CCDC18: variants seen among roughly 807,000 people sequenced by gnomAD.
CCDC18 encodes coiled-coil domain containing 18.
A neutral mutation model predicts 196.0 loss-of-function variants in CCDC18; 157 were observed. The ratio of observed to expected loss-of-function variants is 0.80; its 90% CI spans 0.70 to 0.91. The LOEUF (loss-of-function observed/expected upper bound fraction) is 0.91, where lower values mean the gene tolerates loss of function less well. CCDC18 is among the 40% of genes least tolerant of loss of function. The pLI is 0.00. For missense variants in CCDC18, 1,465 were observed against 1,611.6 expected, an observed-to-expected ratio of 0.91 and a Z score of 1.56; for synonymous variants, 482 against 529.2, an observed-to-expected ratio of 0.91 and a Z score of 1.22.
intron 27 of CCDC18, among the ~76,000 whole-genome samples, chr1:93,266,541 C>A (rs566880708): frequency 1.3e-5 from 2 of 151,816 alleles, no homozygotes; most frequent in African/African-American, 4.8e-5. Context: ...ATTGATAGAC[C>A]GCTAGCAAGA....
chr1:93,226,296 G>GTT, intron 16 of CCDC18, 37 bp from the exon 17 acceptor site: 1 of 770,748 alleles, frequency 1.3e-6, no homozygotes, highest in Admixed American at 2.5e-5. Flanking sequence ...ATATCGTTTT[G>GTT]TGTTTTTTTT....
chr1:93,255,739 CGAAGAAGAG>C (rs554040323), intron 24 of CCDC18, among the ~76,000 whole-genome samples: 95 of 114,866 alleles, frequency 8.3e-4, no homozygotes, highest in Admixed American at 3.1e-3. Flanking sequence ...CTGTACCAAA[CGAAGAAGAG>C]GAAGAAGAGG....
At chr1:93,185,271 A>G (rs936351906) in intron 3 of CCDC18, among the ~76,000 whole-genome samples, 1 of 151,872 alleles carries the variant, frequency 6.6e-6, no homozygotes, top group African/African-American at 2.4e-5. Flanking sequence ...GCCTAGTGGG[A>G]ATGCACAGTG....
chr1:93,241,866 G>C (rs1181565734), intron 21 of CCDC18, among the ~76,000 whole-genome samples: 1 of 151,728 alleles, frequency 6.6e-6, no homozygotes, highest in Non-Finnish European at 1.5e-5. Flanking sequence ...TCATACCAAG[G>C]ATGGTCATTT....
chr1:93,189,261 A>G (rs924879580), intron 4 of CCDC18, among the ~76,000 whole-genome samples: 2 of 152,230 alleles, frequency 1.3e-5, no homozygotes, highest in Non-Finnish European at 2.9e-5. Flanking sequence ...TTTACTTAAC[A>G]TAATGATCTT....
At position 93,246,254 on chromosome 1, in the gene CCDC18, TCA is replaced by T. The variant is rs748131240; in HGVS notation, c.3081+55_3081+56del. ...AATGGAGTTTTCTGTTATGACACAG[TCA>T]CACAGGATTTGAGAGGTCACCAATT... On this transcript the variant is annotated intron_variant, in intron 22 of 28. Transcript: ENST00000690025. 4 of 1,347,794 alleles carry T rather than the reference TCA, an allele frequency of 3.0e-6. No individual in the cohort carries two copies. The African/African-American group carries it at 4.5e-5, about 15-fold the overall frequency. 83.5% of individuals were successfully genotyped at this position (1,347,794 alleles called of 1,614,324 possible).
intron 7 of CCDC18, among the ~76,000 whole-genome samples, chr1:93,203,340 T>A (rs566679363): frequency 6.6e-6 from 1 of 152,184 alleles, no homozygotes; most frequent in Non-Finnish European, 1.5e-5. Context: ...TTTGGAAATG[T>A]CTGTAGAATA....
intron 14 of CCDC18, among the ~76,000 whole-genome samples, chr1:93,218,894 G>A (rs1369130826): frequency 6.6e-6 from 1 of 152,170 alleles, no homozygotes; most frequent in Non-Finnish European, 1.5e-5. Flanking sequence ...TCTTGCTTTG[G>A]ATGGTATCTT....
chr1:93,186,029 A>C (rs1161875409), intron 3 of CCDC18, among the ~76,000 whole-genome samples: 1 of 152,014 alleles, frequency 6.6e-6, no homozygotes, highest in East Asian at 1.9e-4. Flanking sequence ...GTGAAAAAGT[A>C]CAAAAGTTTT....
rs1373252857 is a variant in CCDC18 at position 93,261,508 on chromosome 1, C to T, written c.3684+2623C>T. Among the ~76,000 whole-genome samples, 7 of 151,986 alleles carry T rather than the reference C, an allele frequency of 4.6e-5. No individual in the cohort carries two copies. The South Asian group carries it at 6.2e-4, about 14-fold the overall frequency. On this transcript the variant is annotated intron_variant, in intron 26 of 28. Transcript: ENST00000690025. The stretch of plus-strand genomic sequence containing the variant: ...GGCATAAAACCTAGACAGTCCTAAG[C>T]ATTCTCGGAAGTGTGTCAACATACC...
At chr1:93,203,691 TGTG>T (rs1654227669) in intron 7 of CCDC18, among the ~76,000 whole-genome samples, 1 of 152,230 alleles carries the variant, frequency 6.6e-6, no homozygotes, top group Admixed American at 6.5e-5. Context: ...CTGAACCAGG[TGTG>T]GTGGCTTATG....
In CCDC18 at chr1:93,256,518, A is replaced by G. The variant is rs1230847948; in HGVS notation, c.3526A>G (p.Lys1176Glu). 6 of 1,613,480 alleles carry G rather than the reference A, an allele frequency of 3.7e-6. No individual in the cohort carries two copies. The East Asian group carries it at 1.1e-4, about 30-fold the overall frequency. ...GCTCTCTAGTGAACTGGAGGATATG[A>G]AGCAACTCTCTAAAGAGAAAGTAAT... ...ERLSSELEDM[K>E]QLSKEKDAHG... The change falls in exon 25 of 29, where the codon AAG becomes GAG. Residue 1176 changes from lysine (K) to glutamate (E), a missense_variant. Physicochemically the swap from Lys to Glu is moderately conservative, Grantham distance 56 (BLOSUM62 1). Transcript: ENST00000690025.
chr1:93,246,817 C>T, intron 22 of CCDC18, 21 bp from the exon 23 acceptor site: 1 of 1,058,884 alleles, frequency 9.4e-7, no homozygotes, highest in Non-Finnish European at 1.5e-6. Flanking sequence ...AATTGAACAA[C>T]AGTTTAAGGT....
At chr1:93,203,212 G>A (rs1026583621) in intron 7 of CCDC18, among the ~76,000 whole-genome samples, 6 of 152,116 alleles carry the variant, frequency 3.9e-5, no homozygotes, top group South Asian at 2.1e-4. Flanking sequence ...CATTAGAAGC[G>A]GGCAGTATGA....
intron 14 of CCDC18, 32 bp from the exon 15 acceptor site, chr1:93,221,577 A>T (rs751755297): frequency 7.2e-7 from 1 of 1,394,796 alleles, no homozygotes; most frequent in African/African-American, 1.5e-5. Context: ...ATTTTAAAAT[A>T]TTTAATATGA....
At chr1:93,209,079 C>T (rs1038499168) in intron 9 of CCDC18, among the ~76,000 whole-genome samples, 3 of 152,192 alleles carry the variant, frequency 2.0e-5, no homozygotes, top group Non-Finnish European at 4.4e-5. Flanking sequence ...CTGCCTCAGC[C>T]TCCTGAGTAG....
At chr1:93,185,465 T>C (rs911052920) in intron 3 of CCDC18, among the ~76,000 whole-genome samples, 1 of 152,004 alleles carries the variant, frequency 6.6e-6, no homozygotes, top group Non-Finnish European at 1.5e-5. Context: ...AGGGGGTTAG[T>C]TGAATAAACT....
At chr1:93,254,445 A>G in intron 23 of CCDC18, 26 bp from the exon 24 acceptor site, 1 of 1,496,432 alleles carries the variant, frequency 6.7e-7, no homozygotes, top group Non-Finnish European at 9.1e-7. Context: ...AATTTTACTG[A>G]TACTGCTTAT....
rs1021252650 is a variant in CCDC18, at chr1:93,183,442, T to C, written c.81T>C (p.His27=). 16 of 1,608,178 alleles carry C rather than the reference T, an allele frequency of 9.9e-6. No individual in the cohort carries two copies. The African/African-American group carries it at 1.7e-4, about 17-fold the overall frequency. Residue 27 remains histidine, a synonymous_variant, in exon 2 of 29, where the codon CAT becomes CAC. Coordinates refer to ENST00000690025, the MANE Select transcript of CCDC18 (RefSeq NM_001378204.1). ...TTGCAAATGTTGCTTCCTTAAGACATGAACTGAAGATAACAGAATGGAGTT... is the reference window on the plus strand; with the variant it reads ...TTGCAAATGTTGCTTCCTTAAGACACGAACTGAAGATAACAGAATGGAGTT... The part of the protein sequence containing the change: ...SLLANVASLR[H]ELKITEWSLQ...
Sources: allele counts gnomAD v4.1 joint callset (sites outside exome capture counted in the v4.1 genomes callset), GRCh38; gene constraint gnomAD v4.1.1; transcripts MANE v1.5; gene names NCBI Gene and HGNC (gene_info 2026-07-23, HGNC 2026-07-21).